KLHL29: variants seen among roughly 807,000 people sequenced by gnomAD.
KLHL29 encodes the protein kelch-like protein 29.
In KLHL29, 21 loss-of-function variants were observed where a neutral mutation model predicts 80.4. The observed-to-expected ratio is 0.26, with a 90% CI of 0.19 to 0.38. KLHL29 has a LOEUF of 0.38. Among genes scored for constraint, KLHL29 ranks in the 10% least tolerant of loss-of-function variants. KLHL29 has a pLI of 1.00. For synonymous variants in KLHL29, 511 were observed against 526.8 expected, an observed-to-expected ratio of 0.97 and a Z score of 0.41; for missense variants, 867 against 1,223.9, an observed-to-expected ratio of 0.71 and a Z score of 4.35.
At chr2:23,519,157 G>A (rs1422077288) in intron 2 of KLHL29, among the ~76,000 whole-genome samples, 2 of 152,138 alleles carry the variant, frequency 1.3e-5, no homozygotes, top group African/African-American at 2.4e-5. Context: ...GTCAGAAGCT[G>A]CAGCCACCAA....
At chr2:23,558,227 C>T (rs1572399957) in intron 2 of KLHL29, among the ~76,000 whole-genome samples, 1 of 152,130 alleles carries the variant, frequency 6.6e-6, no homozygotes. Flanking sequence ...ACATTAGGAT[C>T]CAACCCTAGG....
intron 2 of KLHL29, among the ~76,000 whole-genome samples, chr2:23,484,204 G>A (rs1664870997): frequency 6.6e-6 from 1 of 152,154 alleles, no homozygotes; most frequent in African/African-American, 2.4e-5. Context: ...CCACCTGGAG[G>A]CCATTCATGA....
intron 3 of KLHL29, among the ~76,000 whole-genome samples, chr2:23,615,884 G>A (rs1434336576): frequency 6.6e-6 from 1 of 152,128 alleles, no homozygotes; most frequent in Non-Finnish European, 1.5e-5. Flanking sequence ...CAGTGCCTAT[G>A]TCTGTCCCCT....
rs1266930697 is a variant in KLHL29 at position 23,706,513 on chromosome 2, C to T, written c.2477C>T (p.Thr826Ile). ...AVVLDGKIYA[T>I]GGIVSSEGPA... ...GTGCTTGATGGCAAGATTTATGCAA[C>T]TGGAGGTATTGTCAGCAGTGAAGGG... The change falls in exon 14 of 14, where the codon ACT becomes ATT. Residue 826 changes from threonine to isoleucine, a missense_variant. Coordinates refer to ENST00000486442, the MANE Select transcript of KLHL29 (RefSeq NM_052920.2). 2 of 1,534,600 alleles carry T rather than the reference C, an allele frequency of 1.3e-6. No homozygotes were observed. The highest frequency in any genetic ancestry group is 1.7e-6 in the Non-Finnish European group (2 of 1,145,590).
chr2:23,402,386 G>C (rs1666617270), intron 1 of KLHL29, among the ~76,000 whole-genome samples: 1 of 152,198 alleles, frequency 6.6e-6, no homozygotes, highest in Non-Finnish European at 1.5e-5. Context: ...GATAAACTTT[G>C]CTCCATTTTC....
intron 2 of KLHL29, among the ~76,000 whole-genome samples, chr2:23,554,962 T>C (rs1048782393): frequency 1.9e-4 from 29 of 152,100 alleles, no homozygotes; most frequent in African/African-American, 7.0e-4. Context: ...ATTTCCTTCC[T>C]GCAATATCCT....
Position 23,658,114 on chromosome 2 carries a change from C to T in KLHL29, c.940+15264C>T, listed in dbSNP as rs557711522. Among the ~76,000 whole-genome samples the T allele has an allele frequency of 1.2e-4, 18 of 152,192 alleles. No homozygotes were observed. The East Asian group carries it at 3.5e-3, about 30-fold the overall frequency. The stretch of plus-strand genomic sequence containing the variant: ...CTCCCTCTCCTGCCCACTCCTCCTC[C>T]TCTTCCCATCCTTCCTCTACCCTCC... On this transcript the variant is annotated intron_variant, in intron 5 of 13. Coordinates refer to ENST00000486442, the MANE Select transcript of KLHL29 (RefSeq NM_052920.2).
chr2:23,490,842 G>A (rs1470981719), intron 2 of KLHL29, among the ~76,000 whole-genome samples: 3 of 152,198 alleles, frequency 2.0e-5, no homozygotes, highest in Non-Finnish European at 2.9e-5. Flanking sequence ...ATCTCTGGAG[G>A]GTGTAACGGG....
At chr2:23,587,906 G>C (rs1668159169) in intron 3 of KLHL29, among the ~76,000 whole-genome samples, 1 of 152,200 alleles carries the variant, frequency 6.6e-6, no homozygotes, top group Non-Finnish European at 1.5e-5. Context: ...TTAGAGGCTA[G>C]GGAAGGAATG....
chr2:23,567,459 T>C (rs1667614938), intron 3 of KLHL29, among the ~76,000 whole-genome samples: 1 of 152,226 alleles, frequency 6.6e-6, no homozygotes, highest in Non-Finnish European at 1.5e-5. Context: ...TCTGCAGGCT[T>C]CATCGTCAAC....
At chr2:23,425,538 G>A (rs761742471) in intron 1 of KLHL29, among the ~76,000 whole-genome samples, 1 of 152,192 alleles carries the variant, frequency 6.6e-6, no homozygotes. Flanking sequence ...TTCAAAGAAC[G>A]CAACGCTGGG....
intron 3 of KLHL29, among the ~76,000 whole-genome samples, chr2:23,607,803 C>T (rs1379429126): frequency 6.6e-6 from 1 of 152,194 alleles, no homozygotes; most frequent in Non-Finnish European, 1.5e-5. Flanking sequence ...AGTTTCATCC[C>T]AGAACCATCT....
chr2:23,513,360 T>C (rs1665830465), intron 2 of KLHL29, among the ~76,000 whole-genome samples: 1 of 152,136 alleles, frequency 6.6e-6, no homozygotes. Context: ...GAATTACCCA[T>C]ATGGGATCTG....
At chr2:23,399,762 C>T (rs1476522133) in intron 1 of KLHL29, among the ~76,000 whole-genome samples, 1 of 152,192 alleles carries the variant, frequency 6.6e-6, no homozygotes, top group East Asian at 1.9e-4. Flanking sequence ...CAACCACTTT[C>T]TGATGTCAGT....
At chr2:23,533,056 G>A (rs1270654348) in intron 2 of KLHL29, among the ~76,000 whole-genome samples, 2 of 152,166 alleles carry the variant, frequency 1.3e-5, no homozygotes, top group African/African-American at 4.8e-5. Context: ...CGAGTTCAAG[G>A]GATTTTCTGC....
intron 8 of KLHL29, among the ~76,000 whole-genome samples, chr2:23,694,362 C>T (rs1235001374): frequency 6.6e-6 from 1 of 152,194 alleles, no homozygotes; most frequent in Non-Finnish European, 1.5e-5. Flanking sequence ...TTCCCTCTCC[C>T]CATCGAGACC....
At chr2:23,643,211 TC>T in intron 5 of KLHL29, 1 of 428,978 alleles carries the variant, frequency 2.3e-6, no homozygotes, top group Non-Finnish European at 4.4e-6. Flanking sequence ...TCCACTCCTC[TC>T]AGGGCACCGC....
intron 2 of KLHL29, among the ~76,000 whole-genome samples, chr2:23,522,726 C>T (rs1201485422): frequency 1.3e-5 from 2 of 152,152 alleles, no homozygotes; most frequent in African/African-American, 4.8e-5. Flanking sequence ...TCTCCTCCAA[C>T]CCAAGCCCTG....
At chr2:23,438,667 G>C (rs1166935394) in intron 1 of KLHL29, among the ~76,000 whole-genome samples, 1 of 149,522 alleles carries the variant, frequency 6.7e-6, no homozygotes, top group Non-Finnish European at 1.5e-5. Context: ...AAGCCCACTT[G>C]ATCGTGGTGG....
Sources: allele counts gnomAD v4.1 joint callset (sites outside exome capture counted in the v4.1 genomes callset), GRCh38; gene constraint gnomAD v4.1.1; transcripts MANE v1.5; gene names NCBI Gene and HGNC (gene_info 2026-07-23, HGNC 2026-07-21).